Variants in PIK3R3 observed in about 807,000 individuals in gnomAD.
PIK3R3 encodes the protein phosphoinositide-3-kinase regulatory subunit 3.
Under a neutral mutation model 62.9 loss-of-function variants are expected in PIK3R3, and 64 were observed. The ratio of observed to expected loss-of-function variants is 1.02; its 90% CI spans 0.83 to 1.25. The LOEUF (loss-of-function observed/expected upper bound fraction) is 1.25, where lower values mean the gene tolerates loss of function less well. Among genes scored for constraint, PIK3R3 ranks in the 50% most tolerant of loss-of-function variants. PIK3R3 has a pLI of 0.00. For missense variants in PIK3R3, 614 were observed against 561.6 expected (o/e 1.09, Z -0.94); for synonymous variants, 165 against 189.0 (o/e 0.87, Z 1.04).
At chr1:46,050,667 A>G (rs1255339909) in intron 7 of PIK3R3, among the ~76,000 whole-genome samples, 3 of 152,242 alleles carry the variant, frequency 2.0e-5, no homozygotes, top group East Asian at 1.9e-4. Flanking sequence ...CTACACAATG[A>G]TAATTACCAT....
the PIK3R3 span, among the ~76,000 whole-genome samples, chr1:46,171,758 A>T: frequency 2.6e-5 from 4 of 152,040 alleles, no homozygotes; most frequent in African/African-American, 7.2e-5. Flanking sequence ...GGAGCCACAG[A>T]GGCGAAGAGA....
intron 1 of PIK3R3, among the ~76,000 whole-genome samples, chr1:46,113,297 ATTTTTTT>A (rs35565437): frequency 1.6e-5 from 2 of 126,924 alleles, no homozygotes; most frequent in Admixed American, 8.1e-5. Flanking sequence ...CTATCTCTCA[ATTTTTTT>A]TTTTTTTTTT....
chr1:46,152,758 T>C, the PIK3R3 span, among the ~76,000 whole-genome samples: 1 of 152,036 alleles, frequency 6.6e-6, no homozygotes, highest in Admixed American at 6.5e-5. Context: ...GGAGATGGGG[T>C]TTCACCGTGT....
intron 1 of PIK3R3, among the ~76,000 whole-genome samples, chr1:46,088,868 T>C (rs1651338237): frequency 7.0e-6 from 1 of 143,480 alleles, no homozygotes; most frequent in African/African-American, 2.6e-5. Context: ...TCCTAAAATC[T>C]ATCACAAGGG....
intron 1 of PIK3R3, among the ~76,000 whole-genome samples, chr1:46,116,988 T>C (rs1308304523): frequency 1.3e-5 from 2 of 152,194 alleles, no homozygotes; most frequent in Non-Finnish European, 2.9e-5. Flanking sequence ...CATAAATCTC[T>C]ATTAATTATT....
At chr1:46,077,842 T>C (rs1168364913) in intron 2 of PIK3R3, among the ~76,000 whole-genome samples, 1 of 152,234 alleles carries the variant, frequency 6.6e-6, no homozygotes, top group African/African-American at 2.4e-5. Context: ...TATTTGATTT[T>C]TAAACTCTTC....
At chr1:46,043,951 G>T in intron 9 of PIK3R3, 80 bp from the exon 10 acceptor site, 1 of 1,209,960 alleles carries the variant, frequency 8.3e-7, no homozygotes, top group Non-Finnish European at 1.2e-6. Flanking sequence ...AAGTCTGAGA[G>T]CAATTGTTAT....
At chr1:46,124,845 C>T (rs1654960648) in intron 1 of PIK3R3, among the ~76,000 whole-genome samples, 1 of 149,806 alleles carries the variant, frequency 6.7e-6, no homozygotes, top group Non-Finnish European at 1.5e-5. Context: ...CACCTGTAAT[C>T]CTAGCACTTT....
At chr1:46,084,662 A>G (rs1336035356) in intron 1 of PIK3R3, among the ~76,000 whole-genome samples, 1 of 152,252 alleles carries the variant, frequency 6.6e-6, no homozygotes, top group Admixed American at 6.5e-5. Flanking sequence ...AAAGCACTGC[A>G]CTATAGCTAT....
intron 1 of PIK3R3, among the ~76,000 whole-genome samples, chr1:46,118,621 T>A (rs1386849855): frequency 3.3e-5 from 5 of 149,618 alleles, no homozygotes; most frequent in African/African-American, 1.2e-4. Flanking sequence ...AGTGGCACGA[T>A]CTCAGCTCAC....
upstream of PIK3R3, chr1:46,133,020 A>G: frequency 2.9e-6 from 3 of 1,039,932 alleles, no homozygotes; most frequent in Non-Finnish European, 3.5e-6. Context: ...GTGGGTGGTG[A>G]TTGGCTGAGG....
At chr1:46,063,191 G>A (rs565329218) in intron 5 of PIK3R3, among the ~76,000 whole-genome samples, 246 of 152,282 alleles carry the variant, frequency 1.6e-3, no homozygotes, top group Middle Eastern at 3.4e-3. Flanking sequence ...ACTTAAGCTA[G>A]GTCTTAAAGA....
chr1:46,137,098 A>T (rs1312984828), upstream of PIK3R3, among the ~76,000 whole-genome samples: 1 of 151,978 alleles, frequency 6.6e-6, no homozygotes, highest in African/African-American at 2.4e-5. Context: ...GGATTTGTTC[A>T]AAGTCATGCA....
the PIK3R3 span, among the ~76,000 whole-genome samples, chr1:46,138,231 A>G: frequency 6.6e-6 from 1 of 152,204 alleles, no homozygotes; most frequent in Non-Finnish European, 1.5e-5. Flanking sequence ...AGCAACTTGT[A>G]GTTTATGCCT....
intron 1 of PIK3R3, among the ~76,000 whole-genome samples, chr1:46,114,709 A>G (rs1654024549): frequency 6.6e-6 from 1 of 151,364 alleles, no homozygotes; most frequent in South Asian, 2.1e-4. Flanking sequence ...GGTTCAAGCA[A>G]TCCTCCCATC....
At chr1:46,109,920 C>T (rs999611707) in intron 1 of PIK3R3, among the ~76,000 whole-genome samples, 1 of 152,162 alleles carries the variant, frequency 6.6e-6, no homozygotes, top group Non-Finnish European at 1.5e-5. Context: ...GCATAGAAGG[C>T]CCTACATGGT....
the PIK3R3 span, among the ~76,000 whole-genome samples, chr1:46,171,762 G>A: frequency 4.6e-5 from 7 of 152,130 alleles, no homozygotes; most frequent in Non-Finnish European, 1.0e-4. Context: ...CCACAGAGGC[G>A]AAGAGAGGGG....
chr1:46,165,954 T>A, the PIK3R3 span, among the ~76,000 whole-genome samples: 1 of 151,240 alleles, frequency 6.6e-6, no homozygotes, highest in Non-Finnish European at 1.5e-5. Flanking sequence ...GTATTTTTTT[T>A]AGTAGAGACG....
rs1654086895 is a variant in PIK3R3, at chr1:46,115,240, G to C, written c.106+16607C>G. On this transcript the variant is annotated intron_variant, in intron 1 of 9. Coordinates refer to ENST00000262741, the MANE Select transcript of PIK3R3 (RefSeq NM_003629.4). The stretch of plus-strand genomic sequence containing the variant: ...CTGTACCCTTCATCAAACCATGCCA[G>C]GGGCCCTCACTCCCTTTGGTCTTTT... Among the ~76,000 whole-genome samples the C allele has an allele frequency of 6.6e-5, 10 of 152,168 alleles. No individual in the cohort carries two copies. In the South Asian group the frequency reaches 2.1e-3, roughly 32 times the overall value.
Sources: allele counts gnomAD v4.1 joint callset (sites outside exome capture counted in the v4.1 genomes callset), GRCh38; gene constraint gnomAD v4.1.1; transcripts MANE v1.5; gene names NCBI Gene and HGNC (gene_info 2026-07-23, HGNC 2026-07-21).